CAST: variants seen among roughly 807,000 people sequenced by gnomAD.
The protein encoded by CAST is calpastatin, also known as MIR583 host.
A neutral mutation model predicts 119.6 loss-of-function variants in CAST; 76 were observed. That is an observed-to-expected ratio of 0.64 (90% CI 0.53 to 0.77). The LOEUF is 0.77. Among genes scored for constraint, CAST ranks in the 30% least tolerant of loss-of-function variants. The pLI is 0.00. For synonymous variants in CAST, 319 were observed against 331.6 expected, an observed-to-expected ratio of 0.96 and a Z score of 0.41; for missense variants, 953 against 946.5, an observed-to-expected ratio of 1.01 and a Z score of -0.09.
chr5:96,292,490 T>C, the CAST span, among the ~76,000 whole-genome samples: 38 of 152,362 alleles, frequency 2.5e-4, no homozygotes, highest in African/African-American at 8.2e-4. Flanking sequence ...GCCCAAGCTC[T>C]ACCCCCAACA....
intron 16 of CAST, among the ~76,000 whole-genome samples, chr5:96,745,612 A>G (rs1763599870): frequency 6.6e-6 from 1 of 152,220 alleles, no homozygotes; most frequent in South Asian, 2.1e-4. Context: ...CTTACATATT[A>G]TGGAACTTCA....
the CAST span, among the ~76,000 whole-genome samples, chr5:96,490,032 G>A: frequency 6.6e-6 from 1 of 152,200 alleles, no homozygotes; most frequent in African/African-American, 2.4e-5. Flanking sequence ...GGACATATGT[G>A]CTTTCTGGGT....
intron 20 of CAST, among the ~76,000 whole-genome samples, chr5:96,752,305 TAAGC>T (rs1331202048): frequency 4.6e-5 from 7 of 152,314 alleles, no homozygotes; most frequent in African/African-American, 1.7e-4. Context: ...AGTAATTTCT[TAAGC>T]AAGAGGTTGG....
chr5:96,002,841 CT>C, the CAST span, among the ~76,000 whole-genome samples: 2 of 152,336 alleles, frequency 1.3e-5, no homozygotes, highest in East Asian at 1.9e-4. Flanking sequence ...TTGAAACAAT[CT>C]CAAATATTTT....
the CAST span, among the ~76,000 whole-genome samples, chr5:96,501,850 A>G: frequency 6.6e-6 from 1 of 152,214 alleles, no homozygotes; most frequent in Non-Finnish European, 1.5e-5. Flanking sequence ...TGCCTAGTGA[A>G]TTGTTACAAT....
the CAST span, among the ~76,000 whole-genome samples, chr5:96,281,026 T>C: frequency 1.3e-5 from 2 of 152,238 alleles, no homozygotes; most frequent in Admixed American, 1.3e-4. Context: ...ATGTGGATGA[T>C]AATGTAATCC....
rs1469986834 is a variant in CAST at position 96,662,431 on chromosome 5, G to A, written c.9G>A (p.Gln3=). The change falls in exon 1 of 32, where the codon CAG becomes CAA. Residue 3 remains glutamine (Q), a synonymous_variant. Coordinates refer to ENST00000675179, the MANE Select transcript of CAST (RefSeq NM_001750.7). ...GCCGCAGCGGCCTCGCCATGTCCCA[G>A]CCCGGCCAGAAGCCCGCCGCCTCCC... MS[Q]PGQKPAASPR... 12 of 1,445,664 alleles carry A rather than the reference G, an allele frequency of 8.3e-6. No homozygotes were observed. Among genetic ancestry groups the A allele is most frequent in the African/African-American group, 1.5e-5 (1 of 67,410 alleles). The allele number at this position is 1,445,664 out of a possible 1,614,324, so 89.6% of individuals were successfully genotyped here. A position where few individuals can be genotyped will look rare whatever the true frequency, so the allele number is the denominator to read the frequency against.
intron 1 of CAST, among the ~76,000 whole-genome samples, chr5:96,635,629 A>G (rs1184341095): frequency 2.0e-5 from 3 of 152,232 alleles, no homozygotes; most frequent in East Asian, 1.9e-4. Context: ...GTACTGAAGT[A>G]TCTCTCATTG....
At chr5:96,499,451 T>C in the CAST span, among the ~76,000 whole-genome samples, 3 of 152,364 alleles carry the variant, frequency 2.0e-5, no homozygotes, top group Non-Finnish European at 4.4e-5. Flanking sequence ...TACTTTATGC[T>C]AAAAAGATGC....
At chr5:96,724,492 A>G (rs1460754146) in intron 4 of CAST, among the ~76,000 whole-genome samples, 4 of 152,124 alleles carry the variant, frequency 2.6e-5, no homozygotes, top group African/African-American at 9.7e-5. Flanking sequence ...CTAAAATTAA[A>G]AATCCTAATT....
At chr5:96,548,642 G>A (rs1359352681) in intron 1 of CAST, among the ~76,000 whole-genome samples, 3 of 152,022 alleles carry the variant, frequency 2.0e-5, no homozygotes, top group African/African-American at 7.2e-5. Context: ...AACCCCCAAT[G>A]ACAATACTCT....
chr5:96,012,271 T>G, the CAST span, among the ~76,000 whole-genome samples: 2 of 152,134 alleles, frequency 1.3e-5, no homozygotes, highest in South Asian at 4.1e-4. Context: ...AATCAATCAG[T>G]CTTTTACATC....
chr5:95,992,000 T>C, the CAST span, among the ~76,000 whole-genome samples: 1 of 152,216 alleles, frequency 6.6e-6, no homozygotes, highest in African/African-American at 2.4e-5. Flanking sequence ...GAGGCAATGT[T>C]GGGCTCTATT....
chr5:96,052,824 A>T, the CAST span, among the ~76,000 whole-genome samples: 1 of 152,192 alleles, frequency 6.6e-6, no homozygotes, highest in Non-Finnish European at 1.5e-5. Context: ...TTTGGTCAGG[A>T]AGTAGCTCTT....
At chr5:96,419,358 G>A in the CAST span, among the ~76,000 whole-genome samples, 2 of 142,860 alleles carry the variant, frequency 1.4e-5, no homozygotes, top group Admixed American at 7.1e-5. Context: ...ACTCAATGAA[G>A]TATTATATAT....
At chr5:96,502,489 ATTGT>A in the CAST span, among the ~76,000 whole-genome samples, 11 of 151,958 alleles carry the variant, frequency 7.2e-5, no homozygotes, top group Admixed American at 7.2e-4. Context: ...GATTAAAGAA[ATTGT>A]TTAATTAAAA....
intron 3 of CAST, among the ~76,000 whole-genome samples, chr5:96,717,537 T>G (rs899041153): frequency 1.3e-4 from 20 of 152,162 alleles, no homozygotes; most frequent in African/African-American, 4.3e-4. Context: ...TCAAAACAAT[T>G]CAACCAGAGA....
At chr5:96,294,729 C>T in the CAST span, among the ~76,000 whole-genome samples, 1 of 152,222 alleles carries the variant, frequency 6.6e-6, no homozygotes, top group Non-Finnish European at 1.5e-5. Flanking sequence ...GCCAGCATTT[C>T]GTTGACTATT....
the CAST span, among the ~76,000 whole-genome samples, chr5:96,376,437 AT>A: frequency 0.017 from 2,519 of 144,590 alleles, 63 homozygotes; most frequent in African/African-American, 0.057. Context: ...AATTATTTCT[AT>A]TTTTTTTTTT....
Sources: allele counts gnomAD v4.1 joint callset (sites outside exome capture counted in the v4.1 genomes callset), GRCh38; gene constraint gnomAD v4.1.1; transcripts MANE v1.5; gene names NCBI Gene and HGNC (gene_info 2026-07-23, HGNC 2026-07-21).